The following FANK1 variants were observed in gnomAD, a reference collection of about 807,000 sequenced individuals.
The protein encoded by FANK1 is fibronectin type III and ankyrin repeat domains 1, also known as fibronectin type 3 and ankyrin repeat domains protein 1.
A neutral mutation model predicts 45.3 loss-of-function variants in FANK1; 44 were observed. The ratio of observed to expected loss-of-function variants is 0.97; its 90% CI spans 0.76 to 1.25. The LOEUF (loss-of-function observed/expected upper bound fraction) is 1.25, where lower values mean the gene tolerates loss of function less well. Among genes scored for constraint, FANK1 ranks in the 50% most tolerant of loss-of-function variants. The probability of loss-of-function intolerance (pLI) is 0.00; values close to 1 mark genes in which losing one functional copy is unlikely to be tolerated. For missense variants in FANK1, 391 were observed against 424.4 expected, an observed-to-expected ratio of 0.92 and a Z score of 0.69; for synonymous variants, 149 against 152.5, an observed-to-expected ratio of 0.98 and a Z score of 0.17.
intron 2 of FANK1, among the ~76,000 whole-genome samples, chr10:125,982,369 A>G (rs748018291): frequency 3.5e-4 from 54 of 152,208 alleles, no homozygotes; most frequent in Admixed American, 9.8e-4. Context: ...GGTTGCTGTC[A>G]GGCTGGAGAA....
intron 3 of FANK1, among the ~76,000 whole-genome samples, chr10:125,990,589 T>A (rs896743791): frequency 1.3e-5 from 2 of 152,156 alleles, no homozygotes; most frequent in Non-Finnish European, 2.9e-5. Flanking sequence ...TTCTGCAGCC[T>A]TCCATTGTGG....
At chr10:125,960,630 C>A (rs1235297472) in intron 1 of FANK1, among the ~76,000 whole-genome samples, 1 of 152,210 alleles carries the variant, frequency 6.6e-6, no homozygotes, top group Non-Finnish European at 1.5e-5. Flanking sequence ...GGGTTCATGT[C>A]ATTCTTCTGC....
At chr10:125,979,511 T>C (rs1045385803) in intron 1 of FANK1, among the ~76,000 whole-genome samples, 8 of 152,236 alleles carry the variant, frequency 5.3e-5, no homozygotes, top group African/African-American at 1.7e-4. Flanking sequence ...ATCCTCTCCC[T>C]ATCTTGTGAA....
intron 7 of FANK1, among the ~76,000 whole-genome samples, chr10:126,005,401 A>G (rs60529392): frequency 0.073 from 10,770 of 148,008 alleles, 1,056 homozygotes; most frequent in African/African-American, 0.22. Flanking sequence ...TCCGCCTCCC[A>G]GGTTCAAGCG....
At chr10:125,977,975 A>G (rs374700068) in intron 1 of FANK1, among the ~76,000 whole-genome samples, 16 of 152,138 alleles carry the variant, frequency 1.1e-4, no homozygotes, top group African/African-American at 3.1e-4. Context: ...GGAGTTGCTG[A>G]GTTGGTACTG....
At chr10:125,935,861 C>A (rs1327034658) in intron 1 of FANK1, among the ~76,000 whole-genome samples, 3 of 151,928 alleles carry the variant, frequency 2.0e-5, no homozygotes, top group Admixed American at 2.0e-4. Context: ...ACACTTTTTT[C>A]TTTAGTCTAA....
At chr10:125,971,907 G>A (rs925641171) in intron 1 of FANK1, among the ~76,000 whole-genome samples, 2 of 152,282 alleles carry the variant, frequency 1.3e-5, no homozygotes, top group East Asian at 1.9e-4. Flanking sequence ...GATTACAGGT[G>A]TGAGCCACTG....
chr10:125,938,423 G>A (rs1273516217), intron 1 of FANK1, among the ~76,000 whole-genome samples: 2 of 152,182 alleles, frequency 1.3e-5, no homozygotes, highest in Admixed American at 1.3e-4. Context: ...AAATGGCTTA[G>A]CAAATTGGAT....
At chr10:125,990,879 C>T (rs915718974) in intron 3 of FANK1, among the ~76,000 whole-genome samples, 6 of 152,164 alleles carry the variant, frequency 3.9e-5, no homozygotes, top group Non-Finnish European at 5.9e-5. Context: ...ATGTCTTCCA[C>T]GGCGGCAGGC....
In FANK1 at chr10:125,906,515, C is replaced by CAAAAAAAAAAAAAAAAA. The variant is rs34132526; in HGVS notation, c.13+9873_13+9889dup. 8.0e-3 allele frequency among the ~76,000 whole-genome samples: 371 copies of CAAAAAAAAAAAAAAAAA among 46,388 alleles called. 39 individuals carry two copies. The highest frequency in any genetic ancestry group is 0.011 in the Non-Finnish European group (249 of 23,146). 30.4% of individuals were successfully genotyped at this position (46,388 alleles called of 152,430 possible). A position where few individuals can be genotyped will look rare whatever the true frequency, so the allele number is the denominator to read the frequency against. ...TTGGGGACAGAGCAAGACTCTGTCT[C>CAAAAAAAAAAAAAAAAA]AAAAAAAAAAAAAAAAAAAAAAAAA... On this transcript the variant is annotated intron_variant, in intron 1 of 10. Coordinates refer to ENST00000368693, the MANE Select transcript of FANK1 (RefSeq NM_145235.5).
chr10:125,994,106 C>A (rs1482368357), intron 3 of FANK1, among the ~76,000 whole-genome samples: 1 of 147,250 alleles, frequency 6.8e-6, no homozygotes, highest in Admixed American at 6.8e-5. Context: ...CTTTCTGGGC[C>A]GGACCATAAG....
chr10:125,982,638 A>G (rs1951292879), intron 2 of FANK1, among the ~76,000 whole-genome samples: 2 of 152,198 alleles, frequency 1.3e-5, no homozygotes, highest in African/African-American at 4.8e-5. Flanking sequence ...TGGATTGTGG[A>G]TTTAAGAACT....
At chr10:125,914,177 A>G (rs1295522603) in intron 1 of FANK1, among the ~76,000 whole-genome samples, 2 of 151,994 alleles carry the variant, frequency 1.3e-5, no homozygotes, top group Admixed American at 1.3e-4. Context: ...TTTTTTAAAC[A>G]TAGGATATGT....
At chr10:125,977,744 G>A (rs1369670496) in intron 1 of FANK1, among the ~76,000 whole-genome samples, 1 of 152,144 alleles carries the variant, frequency 6.6e-6, no homozygotes, top group Non-Finnish European at 1.5e-5. Context: ...CCCAAGCCAG[G>A]GGTTCCCTGT....
chr10:125,970,478 C>T (rs1950442641), intron 1 of FANK1, among the ~76,000 whole-genome samples: 2 of 152,328 alleles, frequency 1.3e-5, no homozygotes, highest in South Asian at 4.1e-4. Flanking sequence ...CCAAGGCAGG[C>T]AGCTGGGAGG....
intron 2 of FANK1, among the ~76,000 whole-genome samples, chr10:125,984,401 C>T (rs73370527): frequency 0.017 from 2,549 of 152,200 alleles, 74 homozygotes; most frequent in African/African-American, 0.056. Context: ...TTCAACAGGG[C>T]GGGGAGGTAG....
intron 1 of FANK1, among the ~76,000 whole-genome samples, chr10:125,897,038 C>T (rs1944592334): frequency 2.0e-5 from 3 of 152,306 alleles, no homozygotes; most frequent in African/African-American, 7.2e-5. Flanking sequence ...GTAAGTAGCC[C>T]ATTTTTCTTC....
chr10:125,969,401 G>T (rs1950356402), intron 1 of FANK1, among the ~76,000 whole-genome samples: 1 of 151,156 alleles, frequency 6.6e-6, no homozygotes, highest in Admixed American at 6.6e-5. Context: ...TTATGACCAA[G>T]AAAAAATAGT....
At chr10:125,910,490 T>G (rs1312951905) in intron 1 of FANK1, among the ~76,000 whole-genome samples, 4 of 152,214 alleles carry the variant, frequency 2.6e-5, no homozygotes, top group Non-Finnish European at 5.9e-5. Context: ...GGTATATCAT[T>G]CCAGAGATAG....
Sources: gnomAD v4.1 joint callset for allele counts (sites outside exome capture counted in the v4.1 genomes callset) on GRCh38, gnomAD v4.1.1 for gene constraint, MANE v1.5 for transcripts, NCBI Gene and HGNC (gene_info 2026-07-23, HGNC 2026-07-21) for gene names.